Variants in SCARA3 observed in about 807,000 individuals in gnomAD.
SCARA3 encodes scavenger receptor class A member 3, also known as cellular stress response gene protein.
In SCARA3, 39 loss-of-function variants were observed where a neutral mutation model predicts 47.0. The ratio of observed to expected loss-of-function variants is 0.83; its 90% CI spans 0.64 to 1.08. SCARA3 has a LOEUF of 1.08. Among genes scored for constraint, SCARA3 ranks in the 50% least tolerant of loss-of-function variants. The pLI, the probability that SCARA3 is intolerant of heterozygous loss-of-function variation, is 0.00. For synonymous variants in SCARA3, 356 were observed against 334.1 expected, an observed-to-expected ratio of 1.07 and a Z score of -0.71; for missense variants, 724 against 792.3, an observed-to-expected ratio of 0.91 and a Z score of 1.04.
At chr8:27,683,012 T>TA in the SCARA3 span, among the ~76,000 whole-genome samples, 2 of 150,616 alleles carry the variant, frequency 1.3e-5, no homozygotes, top group Non-Finnish European at 3.0e-5. Context: ...AGCCAGAAAC[T>TA]AAAAAAACAA....
At chr8:27,670,765 C>T in intron 5 of SCARA3, 135 bp from the exon 6 acceptor site, 1 of 685,818 alleles carries the variant, frequency 1.5e-6, no homozygotes, top group Non-Finnish European at 2.4e-6. Context: ...TATCGGCAAG[C>T]CTTGCAGTGA....
intron 3 of SCARA3, among the ~76,000 whole-genome samples, chr8:27,656,290 G>A (rs1041737601): frequency 3.3e-5 from 5 of 152,078 alleles, no homozygotes; most frequent in Admixed American, 1.3e-4. Flanking sequence ...TCTTAAGTAC[G>A]TATGTATAGG....
chr8:27,726,210 C>T, the SCARA3 span, among the ~76,000 whole-genome samples: 10 of 151,574 alleles, frequency 6.6e-5, no homozygotes, highest in African/African-American at 2.2e-4. Flanking sequence ...AGTTCAAGAC[C>T]AGCCTGGGTG....
the SCARA3 span, among the ~76,000 whole-genome samples, chr8:27,687,342 G>A: frequency 6.6e-6 from 1 of 152,296 alleles, no homozygotes; most frequent in East Asian, 1.9e-4. Flanking sequence ...GCCAATATTA[G>A]AGTTTCTGAA....
chr8:27,633,681 G>A (rs909672414), upstream of SCARA3, among the ~76,000 whole-genome samples: 4 of 152,034 alleles, frequency 2.6e-5, no homozygotes, highest in Non-Finnish European at 5.9e-5. Context: ...GGGGCTGCGG[G>A]GGCGCACGGG....
At chr8:27,717,267 T>C in the SCARA3 span, among the ~76,000 whole-genome samples, 1 of 152,200 alleles carries the variant, frequency 6.6e-6, no homozygotes, top group East Asian at 1.9e-4. Flanking sequence ...ATTTCATAGC[T>C]AGATACAGAT....
chr8:27,651,039 A>G (rs1324336369), intron 2 of SCARA3, among the ~76,000 whole-genome samples: 2 of 152,172 alleles, frequency 1.3e-5, no homozygotes, highest in Admixed American at 1.3e-4. Context: ...TTCAGTTTTA[A>G]AACCCAGACA....
rs2128919171 is a variant in SCARA3, at chr8:27,653,564, G to A, written c.226+1937G>A. Among the ~76,000 whole-genome samples, 2 of 103,950 alleles carry A rather than the reference G, an allele frequency of 1.9e-5. 1 individual carries two copies. The highest frequency in any genetic ancestry group is 7.3e-4 in the East Asian group (2 of 2,734). The allele number at this position is 103,950 out of a possible 152,430, so 68.2% of individuals were successfully genotyped here. ...TTGTTGAAAGAATGATTATAGATTT[G>A]TAAAGCGTGTGTGTGTGTGTGTGTG... On this transcript the variant is annotated intron_variant, in intron 3 of 5. Transcript: ENST00000301904.
the SCARA3 span, among the ~76,000 whole-genome samples, chr8:27,694,837 G>T: frequency 1.3e-5 from 2 of 152,156 alleles, no homozygotes; most frequent in African/African-American, 4.8e-5. Flanking sequence ...CCCTTGCTGA[G>T]CTGGGGAGTC....
the SCARA3 span, among the ~76,000 whole-genome samples, chr8:27,704,575 G>A: frequency 6.6e-6 from 1 of 152,152 alleles, no homozygotes; most frequent in Non-Finnish European, 1.5e-5. Flanking sequence ...CATCAAGTTA[G>A]CACACTCCTC....
At chr8:27,700,199 C>T in the SCARA3 span, among the ~76,000 whole-genome samples, 158 of 151,992 alleles carry the variant, frequency 1.0e-3, no homozygotes, top group African/African-American at 3.5e-3. Context: ...TTTAAAATAT[C>T]CCTTTAAGAA....
Position 27,672,056 on chromosome 8 carries a change from C to A in SCARA3, c.*705C>A. 2.0e-6 allele frequency: 2 copies of A among 985,392 alleles called. No homozygotes were observed. The highest frequency in any genetic ancestry group is 2.4e-6 in the Non-Finnish European group (2 of 829,936). The allele number at this position is 985,392 out of a possible 1,614,324, so 61.0% of individuals were successfully genotyped here. The stretch of plus-strand genomic sequence containing the variant: ...AACCTTTGCGGGTGGGGCGTTACTG[C>A]CAAAACTCCAGAGGCAAAGTGGACC... On this transcript the variant is annotated 3_prime_UTR_variant, in exon 6 of 6. Transcript: ENST00000301904.
the SCARA3 span, among the ~76,000 whole-genome samples, chr8:27,731,886 C>A: frequency 6.8e-6 from 1 of 146,354 alleles, no homozygotes; most frequent in African/African-American, 2.5e-5. Context: ...GGTTCCAGGG[C>A]ACTGCACGGT....
At chr8:27,668,968 A>G (rs972077277) in intron 5 of SCARA3, among the ~76,000 whole-genome samples, 1 of 152,206 alleles carries the variant, frequency 6.6e-6, no homozygotes, top group African/African-American at 2.4e-5. Context: ...AGCTGTGTGT[A>G]GGAGCAGGGC....
At chr8:27,732,463 T>C in the SCARA3 span, among the ~76,000 whole-genome samples, 74 of 152,162 alleles carry the variant, frequency 4.9e-4, no homozygotes, top group African/African-American at 1.7e-3. Context: ...CCTCCAAAAA[T>C]TGACACAATA....
rs1801817807 is a variant in SCARA3, at chr8:27,658,776, G to C, written c.606G>C (p.Leu202=). Residue 202 remains leucine, a synonymous_variant, in exon 5 of 6, where the codon CTG becomes CTC. Coordinates refer to ENST00000301904, the MANE Select transcript of SCARA3 (RefSeq NM_016240.3). ...VRGWQATTAG[L]DLSLKDLTQE... ...GCTGGCAGGCCACCACAGCTGGCCT[G>C]GACCTCTCTCTGAAGGACCTCACCC... The C allele has an allele frequency of 1.2e-6, 2 of 1,613,936 alleles. No homozygotes were observed. Among genetic ancestry groups the C allele is most frequent in the Admixed American group, 3.3e-5 (2 of 59,988 alleles).
chr8:27,697,841 C>T, the SCARA3 span, among the ~76,000 whole-genome samples: 2 of 152,120 alleles, frequency 1.3e-5, no homozygotes, highest in African/African-American at 2.4e-5. Flanking sequence ...TACTCGTTTG[C>T]CTTCCACCAT....
chr8:27,687,371 G>A, the SCARA3 span, among the ~76,000 whole-genome samples: 2 of 152,116 alleles, frequency 1.3e-5, no homozygotes, highest in Non-Finnish European at 2.9e-5. Flanking sequence ...CACTTCCCCT[G>A]CTCTAACCAG....
chr8:27,697,934 T>C, the SCARA3 span, among the ~76,000 whole-genome samples: 1 of 152,228 alleles, frequency 6.6e-6, no homozygotes, highest in East Asian at 1.9e-4. Flanking sequence ...TGGGTATGTC[T>C]CTATTAGCAG....
Sources: gnomAD v4.1 joint callset for allele counts (sites outside exome capture counted in the v4.1 genomes callset) on GRCh38, gnomAD v4.1.1 for gene constraint, MANE v1.5 for transcripts, NCBI Gene and HGNC (gene_info 2026-07-23, HGNC 2026-07-21) for gene names.